Variants in OCIAD2 observed in about 807,000 individuals in gnomAD.
OCIAD2 encodes OCIA domain-containing protein 2.
A neutral mutation model predicts 22.9 loss-of-function variants in OCIAD2; 29 were observed. That is an observed-to-expected ratio of 1.27 (90% CI 0.94 to 1.73). The LOEUF is 1.73. Ranked by LOEUF, OCIAD2 falls within the 40% of genes most tolerant of loss-of-function variation. The probability of loss-of-function intolerance (pLI) is 0.00; values close to 1 mark genes in which losing one functional copy is unlikely to be tolerated. For synonymous variants in OCIAD2, 67 were observed against 60.2 expected (o/e 1.11, Z -0.52); for missense variants, 189 against 180.3 (o/e 1.05, Z -0.28).
At chr4:48,902,093 C>T (rs898942720) in intron 2 of OCIAD2, among the ~76,000 whole-genome samples, 12 of 151,926 alleles carry the variant, frequency 7.9e-5, no homozygotes, top group African/African-American at 2.9e-4. Context: ...TTAAATTTAA[C>T]TTGTTCCTTA....
At chr4:48,896,822 G>C (rs1261726159) in intron 4 of OCIAD2, among the ~76,000 whole-genome samples, 1 of 152,058 alleles carries the variant, frequency 6.6e-6, no homozygotes, top group Non-Finnish European at 1.5e-5. Context: ...GATAAAATGG[G>C]CTTAAACAAG....
chr4:48,888,044 G>A (rs1159157862), intron 6 of OCIAD2, among the ~76,000 whole-genome samples: 7 of 152,086 alleles, frequency 4.6e-5, no homozygotes, highest in Non-Finnish European at 8.8e-5. Context: ...TCCTTGAAGA[G>A]GTCCTTCACA....
chr4:48,903,222 A>G (rs1246241995), intron 2 of OCIAD2, among the ~76,000 whole-genome samples: 2 of 152,230 alleles, frequency 1.3e-5, no homozygotes, highest in Non-Finnish European at 2.9e-5. Context: ...TAACAAGTTG[A>G]AAAATTGTTT....
intron 1 of OCIAD2, 25 bp from the exon 2 acceptor site, chr4:48,904,636 T>C: frequency 8.5e-7 from 1 of 1,176,240 alleles, no homozygotes; most frequent in East Asian, 2.3e-5. Context: ...AGAGAATCAC[T>C]ATGCCATGAC....
chr4:48,886,285 A>G (rs1211965261), intron 6 of OCIAD2, among the ~76,000 whole-genome samples: 1 of 152,152 alleles, frequency 6.6e-6, no homozygotes, highest in Non-Finnish European at 1.5e-5. Flanking sequence ...ATTGATCTAT[A>G]TCTCCTGTTT....
intron 1 of OCIAD2, among the ~76,000 whole-genome samples, chr4:48,905,473 TAC>T (rs1579161488): frequency 6.7e-6 from 1 of 150,230 alleles, no homozygotes; most frequent in African/African-American, 2.4e-5. Flanking sequence ...GAATAGCTGA[TAC>T]AGAGGGGAGG....
intron 2 of OCIAD2, among the ~76,000 whole-genome samples, chr4:48,903,402 T>G (rs1467078271): frequency 6.6e-6 from 1 of 152,070 alleles, no homozygotes; most frequent in East Asian, 1.9e-4. Context: ...TTTGGGAGGC[T>G]GAGGTGGGAG....
rs183068916 is a variant in OCIAD2 at position 48,892,946 on chromosome 4, A to G, written c.266-57T>C. The stretch of plus-strand genomic sequence containing the variant: ...GAATCTTCTCCATTAGTTATTTTCT[A>G]GAGCTTTAAAAATCAACGCTGGTAA... On this transcript the variant is annotated intron_variant, in intron 5 of 6. Coordinates refer to ENST00000508632, the MANE Select transcript of OCIAD2 (RefSeq NM_001014446.3). 1,077 of 856,578 alleles carry G rather than the reference A, an allele frequency of 1.3e-3. 2 individuals carry two copies. Among genetic ancestry groups the G allele is most frequent in the Admixed American group, 2.7e-3 (110 of 40,054 alleles). 53.1% of individuals were successfully genotyped at this position (856,578 alleles called of 1,614,324 possible).
In OCIAD2 at chr4:48,892,800, C is replaced by G. The variant is rs758557459; in HGVS notation, c.355G>C (p.Gly119Arg). The change falls in exon 6 of 7, where the codon GGG becomes CGG. Residue 119 changes from glycine (G) to arginine (R), a missense_variant. Physicochemically the swap from Gly to Arg is moderately radical, Grantham distance 125. Transcript: ENST00000508632. ...TTATGCTGTGGACCAAAACCAGCCCCACGGAGCTGATCTTCAAAAAAATGG... is the reference window on the plus strand; with the variant it reads ...TTATGCTGTGGACCAAAACCAGCCCGACGGAGCTGATCTTCAAAAAAATGG... ...KFHFFEDQLR[G>R]AGFGPQHNRH... 1 of 1,609,798 alleles carries G rather than the reference C, an allele frequency of 6.2e-7. No individual in the cohort carries two copies. The highest frequency in any genetic ancestry group is 1.1e-5 in the South Asian group (1 of 90,638).
intron 6 of OCIAD2, among the ~76,000 whole-genome samples, chr4:48,889,293 C>T (rs960946752): frequency 6.6e-6 from 1 of 152,068 alleles, no homozygotes; most frequent in Non-Finnish European, 1.5e-5. Context: ...AAACCAGTTC[C>T]TGGATTCATT....
intron 4 of OCIAD2, among the ~76,000 whole-genome samples, chr4:48,895,437 G>A (rs550356075): frequency 1.3e-5 from 2 of 152,334 alleles, no homozygotes; most frequent in East Asian, 3.9e-4. Context: ...TCTGGAGGCT[G>A]AGAAGTCCAA....
chr4:48,885,792 C>T (rs1357888404), intron 6 of OCIAD2, among the ~76,000 whole-genome samples: 2 of 152,148 alleles, frequency 1.3e-5, no homozygotes, highest in African/African-American at 4.8e-5. Context: ...GGCTTTAACA[C>T]AATATTAGAA....
At chr4:48,897,898 A>G in intron 3 of OCIAD2, 41 bp from the exon 4 acceptor site, 1 of 1,448,588 alleles carries the variant, frequency 6.9e-7, no homozygotes, top group Non-Finnish European at 9.7e-7. Flanking sequence ...TATTTTAAAA[A>G]TTGGCACCTC....
At chr4:48,890,215 C>T (rs1579149165) in intron 6 of OCIAD2, among the ~76,000 whole-genome samples, 1 of 151,690 alleles carries the variant, frequency 6.6e-6, no homozygotes, top group East Asian at 1.9e-4. Context: ...TGTAACAAAC[C>T]TGCAATGTTG....
chr4:48,892,207 T>C (rs953214716), intron 6 of OCIAD2, among the ~76,000 whole-genome samples: 2 of 152,260 alleles, frequency 1.3e-5, no homozygotes, highest in African/African-American at 4.8e-5. Flanking sequence ...TAATCATTTC[T>C]ATTCTTTACA....
In OCIAD2 at chr4:48,885,248, C is replaced by A. The variant is rs2109661024; in HGVS notation, c.*236G>T. 4.8e-6 allele frequency: 2 copies of A among 414,930 alleles called. No individual in the cohort carries two copies. The highest frequency in any genetic ancestry group is 8.6e-6 in the Non-Finnish European group (2 of 231,844). 25.7% of individuals were successfully genotyped at this position (414,930 alleles called of 1,614,324 possible). A position where few individuals can be genotyped will look rare whatever the true frequency, so the allele number is the denominator to read the frequency against. On this transcript the variant is annotated 3_prime_UTR_variant, in exon 7 of 7. Transcript: ENST00000508632. ...AAATGATCTGCCTGCCTCGGCCTCC[C>A]AAAGTACTGGGATTACAGGCATGAG...
chr4:48,903,937 G>A (rs1226504569), intron 2 of OCIAD2, among the ~76,000 whole-genome samples: 2 of 151,574 alleles, frequency 1.3e-5, no homozygotes, highest in Non-Finnish European at 2.9e-5. Flanking sequence ...GAGCCACCGC[G>A]CCCAGCCAAG....
At chr4:48,895,451 C>T (rs1781283931) in intron 4 of OCIAD2, among the ~76,000 whole-genome samples, 1 of 152,106 alleles carries the variant, frequency 6.6e-6, no homozygotes, top group African/African-American at 2.4e-5. Context: ...AGTCCAAGAG[C>T]ACAGAGCTGG....
intron 6 of OCIAD2, among the ~76,000 whole-genome samples, chr4:48,887,948 T>C (rs911407120): frequency 1.4e-4 from 21 of 152,200 alleles, no homozygotes; most frequent in Admixed American, 5.2e-4. Context: ...ATTTTCACGA[T>C]ATTGATTCTT....
Sources: gnomAD v4.1 joint callset for allele counts (sites outside exome capture counted in the v4.1 genomes callset) on GRCh38, gnomAD v4.1.1 for gene constraint, MANE v1.5 for transcripts, NCBI Gene and HGNC (gene_info 2026-07-23, HGNC 2026-07-21) for gene names.